Variants in ESCO1 observed in about 807,000 individuals in gnomAD.
The protein encoded by ESCO1 is establishment of sister chromatid cohesion N-acetyltransferase 1.
ESCO1 carries 33 observed loss-of-function variants against 83.5 expected under a neutral mutation model. That is an observed-to-expected ratio of 0.40 (90% CI 0.30 to 0.53). The LOEUF (loss-of-function observed/expected upper bound fraction) is 0.53. ESCO1 is among the 20% of genes least tolerant of loss of function. The probability of loss-of-function intolerance (pLI) is 0.63; values close to 1 mark genes in which losing one functional copy is unlikely to be tolerated. For synonymous variants in ESCO1, 332 were observed against 324.3 expected (o/e 1.02, Z -0.25); for missense variants, 855 against 968.0 (o/e 0.88, Z 1.55).
chr18:21,532,142 T>TTTCC (rs1222282204), intron 11 of ESCO1, among the ~76,000 whole-genome samples: 1 of 152,202 alleles, frequency 6.6e-6, no homozygotes, highest in African/African-American at 2.4e-5. Flanking sequence ...CCCAAGGAAC[T>TTTCC]TTCCACATTT....
chr18:21,599,812 G>T (rs1035524919), intron 1 of ESCO1, among the ~76,000 whole-genome samples: 2 of 152,154 alleles, frequency 1.3e-5, no homozygotes, highest in Non-Finnish European at 2.9e-5. Flanking sequence ...GGGAGAGGAG[G>T]TAGTCTTCGA....
chr18:21,540,247 T>C (rs1037022190), intron 8 of ESCO1, among the ~76,000 whole-genome samples: 2 of 152,198 alleles, frequency 1.3e-5, no homozygotes, highest in Non-Finnish European at 2.9e-5. Flanking sequence ...ATATATCTAA[T>C]ACCACAAGAG....
At chr18:21,548,739 A>G (rs2038006659) in intron 8 of ESCO1, among the ~76,000 whole-genome samples, 1 of 152,176 alleles carries the variant, frequency 6.6e-6, no homozygotes, top group African/African-American at 2.4e-5. Flanking sequence ...CAGAAGTTTG[A>G]GACAAGCCTG....
rs1351965803 is a variant in ESCO1, at chr18:21,539,849, G to C, written c.2043+71C>G. On this transcript the variant is annotated intron_variant, in intron 9 of 11. Transcript: ENST00000269214. ...AGCGACAGAGCAAGACCCTGTCTCA[G>C]GGTAAAAAAAAAAAAAATTAACTGC... 3.8e-6 allele frequency: 5 copies of C among 1,305,482 alleles called. No homozygotes were observed. The Admixed American group carries it at 7.3e-5, about 19-fold the overall frequency. 80.9% of individuals were successfully genotyped at this position (1,305,482 alleles called of 1,614,324 possible). A position where few individuals can be genotyped will look rare whatever the true frequency, so the allele number is the denominator to read the frequency against.
intron 8 of ESCO1, among the ~76,000 whole-genome samples, chr18:21,555,215 A>C (rs940270840): frequency 3.9e-5 from 6 of 152,238 alleles, no homozygotes; most frequent in Non-Finnish European, 7.3e-5. Context: ...AGAAAAGGTA[A>C]AACTATGGAG....
intron 8 of ESCO1, among the ~76,000 whole-genome samples, chr18:21,548,203 T>C (rs1213016257): frequency 6.6e-6 from 1 of 151,412 alleles, no homozygotes. Flanking sequence ...AACTAAAAAA[T>C]ATAGGAAGGC....
At chr18:21,595,786 A>C (rs530382098) in intron 1 of ESCO1, among the ~76,000 whole-genome samples, 10 of 151,522 alleles carry the variant, frequency 6.6e-5, no homozygotes, top group African/African-American at 2.4e-4. Context: ...ACACAGTGAA[A>C]CCTCGTCTCT....
At chr18:21,599,145 T>C (rs1297947706) in intron 1 of ESCO1, among the ~76,000 whole-genome samples, 1 of 152,058 alleles carries the variant, frequency 6.6e-6, no homozygotes, top group Non-Finnish European at 1.5e-5. Context: ...GAGACCAGCC[T>C]GGGCAACATG....
chr18:21,535,935 A>T (rs4800780), intron 10 of ESCO1, 107 bp downstream of exon 10: 1,365,579 of 1,369,886 alleles, frequency 1, 680,745 homozygotes, highest in East Asian at 1. Flanking sequence ...ATTAAAACTG[A>T]TCTTTACATG....
At chr18:21,581,817 AC>A (rs2038506370) in intron 2 of ESCO1, among the ~76,000 whole-genome samples, 1 of 152,060 alleles carries the variant, frequency 6.6e-6, no homozygotes, top group Non-Finnish European at 1.5e-5. Context: ...CAGGAGTTTG[AC>A]ACCAGCCTGG....
At position 21,540,034 on chromosome 18, in the gene ESCO1, A is replaced by C. The variant is rs1056466686; in HGVS notation, c.1954-25T>G. ...CCTAGATATATATATATATATATAC[A>C]CACATATGTAAAGTATGAATTTTAT... On this transcript the variant is annotated intron_variant, in intron 8 of 11. Transcript: ENST00000269214. 3 of 1,499,352 alleles carry C rather than the reference A, an allele frequency of 2.0e-6. No individual in the cohort carries two copies. In the African/African-American group the frequency reaches 4.2e-5, roughly 21 times the overall value. The allele number at this position is 1,499,352 out of a possible 1,614,324, so 92.9% of individuals were successfully genotyped here. A position where few individuals can be genotyped will look rare whatever the true frequency, so the allele number is the denominator to read the frequency against.
At chr18:21,592,062 G>C in intron 1 of ESCO1, among the ~76,000 whole-genome samples, 1 of 151,642 alleles carries the variant, frequency 6.6e-6, no homozygotes, top group South Asian at 2.1e-4. Flanking sequence ...AGTCTCCCAT[G>C]TCTACTTCTT....
chr18:21,557,680 A>T (rs2038129993), intron 8 of ESCO1, among the ~76,000 whole-genome samples: 1 of 152,222 alleles, frequency 6.6e-6, no homozygotes, highest in Non-Finnish European at 1.5e-5. Flanking sequence ...GGAAAAAAGG[A>T]TTGAGTTTTT....
At chr18:21,554,695 G>C (rs938463104) in intron 8 of ESCO1, among the ~76,000 whole-genome samples, 9 of 152,166 alleles carry the variant, frequency 5.9e-5, no homozygotes, top group Non-Finnish European at 1.3e-4. Context: ...GATCATTTGA[G>C]GTCAGAAGTT....
intron 9 of ESCO1, among the ~76,000 whole-genome samples, chr18:21,539,376 A>T (rs2037875239): frequency 6.6e-6 from 1 of 152,194 alleles, no homozygotes; most frequent in Admixed American, 6.5e-5. Context: ...ACTACTACTA[A>T]TACAGGACAA....
chr18:21,582,010 C>T (rs2038509342), intron 2 of ESCO1, among the ~76,000 whole-genome samples: 1 of 151,948 alleles, frequency 6.6e-6, no homozygotes, highest in Admixed American at 6.6e-5. Context: ...ATCACTTGAG[C>T]CTGGGAGATC....
chr18:21,552,907 A>G (rs2038062915), intron 8 of ESCO1, among the ~76,000 whole-genome samples: 1 of 152,254 alleles, frequency 6.6e-6, no homozygotes, highest in Non-Finnish European at 1.5e-5. Flanking sequence ...GGGTATGGCA[A>G]TGACATTTTA....
At chr18:21,596,206 T>C (rs949345365) in intron 1 of ESCO1, among the ~76,000 whole-genome samples, 8 of 149,640 alleles carry the variant, frequency 5.3e-5, no homozygotes, top group Admixed American at 1.3e-4. Context: ...CTGGGCAACA[T>C]AGTGAAATCC....
At chr18:21,544,939 G>C (rs745546554) in intron 8 of ESCO1, among the ~76,000 whole-genome samples, 4 of 152,230 alleles carry the variant, frequency 2.6e-5, no homozygotes, top group Non-Finnish European at 5.9e-5. Context: ...GTAAAGTAGT[G>C]ACTGTAACAG....
Sources: gnomAD v4.1 joint callset for allele counts (sites outside exome capture counted in the v4.1 genomes callset) on GRCh38, gnomAD v4.1.1 for gene constraint, MANE v1.5 for transcripts, NCBI Gene and HGNC (gene_info 2026-07-23, HGNC 2026-07-21) for gene names.